Variants in HEG1 observed in about 807,000 individuals in gnomAD.
HEG1 encodes the protein heart development protein with EGF like domains 1.
A neutral mutation model predicts 125.6 loss-of-function variants in HEG1; 56 were observed. The ratio of observed to expected loss-of-function variants is 0.45; its 90% CI spans 0.36 to 0.56. HEG1 has a LOEUF of 0.56. Ranked by LOEUF, HEG1 falls within the 20% of genes least tolerant of loss-of-function variation. The pLI, the probability that HEG1 is intolerant of heterozygous loss-of-function variation, is 0.00. For synonymous variants in HEG1, 644 were observed against 668.5 expected (o/e 0.96, Z 0.57); for missense variants, 1,523 against 1,670.0 (o/e 0.91, Z 1.53).
chr3:125,034,655 C>T (rs1261570793), intron 1 of HEG1, among the ~76,000 whole-genome samples: 4 of 152,000 alleles, frequency 2.6e-5, no homozygotes, highest in African/African-American at 9.7e-5. Flanking sequence ...ACAAAATTAG[C>T]TGGGTGTGGT....
chr3:125,026,874 C>T (rs568599700), intron 3 of HEG1, among the ~76,000 whole-genome samples: 1 of 152,276 alleles, frequency 6.6e-6, no homozygotes, highest in African/African-American at 2.4e-5. Flanking sequence ...GTGATGGGCG[C>T]CTGTAATCCC....
At chr3:125,016,471 G>A (rs115283750) in intron 5 of HEG1, among the ~76,000 whole-genome samples, 1,921 of 152,310 alleles carry the variant, frequency 0.013, 19 homozygotes, top group Middle Eastern at 0.02. Context: ...CTGAAGAGAT[G>A]TAAAAGAGAA....
At chr3:125,052,054 A>G (rs1468322057) in intron 1 of HEG1, among the ~76,000 whole-genome samples, 1 of 152,146 alleles carries the variant, frequency 6.6e-6, no homozygotes, top group Non-Finnish European at 1.5e-5. Context: ...GGCTGAGGAA[A>G]GCAATAAAAG....
intron 2 of HEG1, among the ~76,000 whole-genome samples, chr3:125,028,640 G>C (rs112490997): frequency 2.6e-4 from 40 of 152,308 alleles, no homozygotes; most frequent in African/African-American, 9.1e-4. Flanking sequence ...ATGCCTAAAA[G>C]GAGAATAACA....
chr3:124,974,258 T>C (rs1035167489), intron 15 of HEG1, among the ~76,000 whole-genome samples: 1 of 152,116 alleles, frequency 6.6e-6, no homozygotes, highest in Non-Finnish European at 1.5e-5. Flanking sequence ...ATTCACAGAA[T>C]GCTGGAGCCA....
intron 11 of HEG1, among the ~76,000 whole-genome samples, chr3:124,998,978 TC>T (rs536984856): frequency 2.2e-4 from 34 of 152,276 alleles, no homozygotes; most frequent in African/African-American, 7.9e-4. Context: ...GTCTCCCATT[TC>T]CCACCCAAAG....
chr3:125,003,097 G>A (rs909472306), intron 9 of HEG1, among the ~76,000 whole-genome samples: 1 of 152,186 alleles, frequency 6.6e-6, no homozygotes, highest in Non-Finnish European at 1.5e-5. Flanking sequence ...TATGACATCA[G>A]TGTATAGCCT....
chr3:124,984,435 C>T (rs1936707018), intron 14 of HEG1, among the ~76,000 whole-genome samples: 1 of 152,120 alleles, frequency 6.6e-6, no homozygotes, highest in Non-Finnish European at 1.5e-5. Context: ...TATGTGAGCT[C>T]TATGATCACA....
At chr3:124,988,020 T>C (rs930854277) in intron 14 of HEG1, among the ~76,000 whole-genome samples, 3 of 149,320 alleles carry the variant, frequency 2.0e-5, no homozygotes, top group African/African-American at 7.3e-5. Context: ...AAGACTCAAA[T>C]ATCTTAAATT....
In HEG1 at chr3:125,055,940, A is replaced by AGCGGGCAGCGGGCAGCGGGCAGCGGGCG. The variant is rs1937932487; in HGVS notation, c.-51_-50insCGCCCGCTGCCCGCTGCCCGCTGCCCGC. The AGCGGGCAGCGGGCAGCGGGCAGCGGGCG allele has an allele frequency of 1.2e-6, 1 of 806,140 alleles. No homozygotes were observed. The highest frequency in any genetic ancestry group is 1.5e-6 in the Non-Finnish European group (1 of 670,970). The allele number at this position is 806,140 out of a possible 1,614,324, so 49.9% of individuals were successfully genotyped here. On this transcript the variant is annotated 5_prime_UTR_variant, in exon 1 of 17. Transcript: ENST00000311127. ...CATGCCCGGCGCGCGGGGCGAGGGC[A>AGCGGGCAGCGGGCAGCGGGCAGCGGGCG]GCGGGCAGCGGGCAGCGGGCGGCGG...
chr3:125,009,286 GT>G (rs545544032), intron 8 of HEG1, among the ~76,000 whole-genome samples: 318 of 136,176 alleles, frequency 2.3e-3, no homozygotes, highest in Middle Eastern at 0.015. Context: ...CATCTAAATT[GT>G]TTTTTTTTTT....
At chr3:125,045,352 T>C (rs1402394733) in intron 1 of HEG1, among the ~76,000 whole-genome samples, 2 of 152,218 alleles carry the variant, frequency 1.3e-5, no homozygotes, top group Non-Finnish European at 2.9e-5. Context: ...CCAAGAAGTA[T>C]TCCCCAGAGA....
In HEG1 at chr3:124,966,320, G is replaced by A. The variant is rs1405144384; in HGVS notation, c.*4332C>T. 1 of 152,178 alleles carries A rather than the reference G, an allele frequency of 6.6e-6. No individual in the cohort carries two copies. Among genetic ancestry groups the A allele is most frequent in the Non-Finnish European group, 1.5e-5 (1 of 68,030 alleles). The allele number at this position is 152,178 out of a possible 1,614,324, so 9.4% of individuals were successfully genotyped here. ...CCTTTGGTTTCATAGGGTTTTCTGT[G>A]AGCAGTTTACACCAGATATGATGGA... On this transcript the variant is annotated 3_prime_UTR_variant, in exon 17 of 17. Coordinates refer to ENST00000311127, the MANE Select transcript of HEG1 (RefSeq NM_020733.2).
chr3:124,999,643 G>A (rs1182344033), intron 11 of HEG1, among the ~76,000 whole-genome samples: 1 of 152,268 alleles, frequency 6.6e-6, no homozygotes, highest in Non-Finnish European at 1.5e-5. Flanking sequence ...CACAGGCCCT[G>A]CCTCTGCAGT....
intron 3 of HEG1, 149 bp from the exon 4 acceptor site, chr3:125,021,279 G>T (rs909883057): frequency 3.2e-6 from 2 of 632,404 alleles, no homozygotes; most frequent in African/African-American, 1.8e-5. Flanking sequence ...CTATACACAC[G>T]CATGCTACCA....
intron 4 of HEG1, among the ~76,000 whole-genome samples, chr3:125,019,817 G>A (rs1937309436): frequency 6.6e-6 from 1 of 152,208 alleles, no homozygotes; most frequent in East Asian, 1.9e-4. Flanking sequence ...TTGAACAGGG[G>A]ACCTTTGAAA....
chr3:125,012,587 T>C, intron 6 of HEG1, 36 bp downstream of exon 6: 1 of 1,582,006 alleles, frequency 6.3e-7, no homozygotes, highest in Non-Finnish European at 8.6e-7. Context: ...GGACTGGGCC[T>C]TGCAGTTAAC....
chr3:124,990,532 T>A (rs1453198741), intron 14 of HEG1, among the ~76,000 whole-genome samples: 1 of 152,156 alleles, frequency 6.6e-6, no homozygotes, highest in African/African-American at 2.4e-5. Context: ...AGAGACGGGC[T>A]TTCACCATGT....
chr3:125,053,988 G>A (rs1195388806), intron 1 of HEG1, among the ~76,000 whole-genome samples: 1 of 152,236 alleles, frequency 6.6e-6, no homozygotes, highest in Non-Finnish European at 1.5e-5. Flanking sequence ...ACAAGATGGA[G>A]GCCATTCAGC....
Sources: allele counts gnomAD v4.1 joint callset (sites outside exome capture counted in the v4.1 genomes callset), GRCh38; gene constraint gnomAD v4.1.1; transcripts MANE v1.5; gene names NCBI Gene and HGNC (gene_info 2026-07-23, HGNC 2026-07-21).